EIF4G3: variants seen among roughly 807,000 people sequenced by gnomAD.
The protein encoded by EIF4G3 is eukaryotic translation initiation factor 4 gamma 3.
In EIF4G3, 34 loss-of-function variants were observed where a neutral mutation model predicts 186.4. That is an observed-to-expected ratio of 0.18 (90% CI 0.14 to 0.24). The LOEUF (loss-of-function observed/expected upper bound fraction) is 0.24. Ranked by LOEUF, EIF4G3 falls within the 10% of genes least tolerant of loss-of-function variation. EIF4G3 has a pLI of 1.00. For synonymous variants in EIF4G3, 673 were observed against 679.5 expected (o/e 0.99, Z 0.15); for missense variants, 1,536 against 1,948.5 (o/e 0.79, Z 3.99).
At position 20,807,251 on chromosome 1, in the gene EIF4G3, G is replaced by A. The variant is rs1295419565; in HGVS notation, c.*68C>T. The A allele has an allele frequency of 1.8e-5, 26 of 1,466,840 alleles. No homozygotes were observed. Among genetic ancestry groups the A allele is most frequent in the South Asian group, 2.7e-5 (2 of 73,108 alleles). The allele number at this position is 1,466,840 out of a possible 1,614,324, so 90.9% of individuals were successfully genotyped here. A position where few individuals can be genotyped will look rare whatever the true frequency, so the allele number is the denominator to read the frequency against. ...TTGGCCTTGCTGCACTGTGATTGGC[G>A]AAGACGTGAAACTTTTTAAAAAAAT... On this transcript the variant is annotated 3_prime_UTR_variant, in exon 37 of 37. Coordinates refer to ENST00000602326, the MANE Select transcript of EIF4G3 (RefSeq NM_001391906.1).
At chr1:20,957,307 T>C (rs1274743636) in intron 12 of EIF4G3, among the ~76,000 whole-genome samples, 1 of 152,046 alleles carries the variant, frequency 6.6e-6, no homozygotes, top group Non-Finnish European at 1.5e-5. Flanking sequence ...GGGTTAATAA[T>C]GAAATCAAGA....
chr1:20,886,504 G>C, intron 18 of EIF4G3, 133 bp from the exon 19 acceptor site: 1 of 736,114 alleles, frequency 1.4e-6, no homozygotes, highest in Non-Finnish European at 2.1e-6. Context: ...TCAAACTGGA[G>C]GTAATCTTTT....
intron 14 of EIF4G3, among the ~76,000 whole-genome samples, chr1:20,927,207 C>T (rs1192773593): frequency 6.6e-6 from 1 of 151,798 alleles, no homozygotes; most frequent in Non-Finnish European, 1.5e-5. Flanking sequence ...CCACACCCAG[C>T]TAACTGAATT....
intron 2 of EIF4G3, among the ~76,000 whole-genome samples, chr1:21,170,190 T>TA (rs1053567942): frequency 6.6e-6 from 1 of 152,154 alleles, no homozygotes; most frequent in Non-Finnish European, 1.5e-5. Context: ...AATAAATAAA[T>TA]AAACAAACAA....
At chr1:21,017,525 G>T (rs1571059540) in intron 4 of EIF4G3, among the ~76,000 whole-genome samples, 1 of 151,324 alleles carries the variant, frequency 6.6e-6, no homozygotes, top group East Asian at 2.0e-4. Flanking sequence ...CTACTCGGGA[G>T]GCTGAGGCAG....
At chr1:21,011,371 G>A (rs941607221) in intron 4 of EIF4G3, among the ~76,000 whole-genome samples, 8 of 152,010 alleles carry the variant, frequency 5.3e-5, no homozygotes, top group Non-Finnish European at 8.8e-5. Context: ...AGATTTACAC[G>A]GAATTTGAGA....
At chr1:20,811,027 G>T in intron 35 of EIF4G3, 143 bp from the exon 36 acceptor site, 1 of 722,690 alleles carries the variant, frequency 1.4e-6, no homozygotes, top group Non-Finnish European at 2.1e-6. Flanking sequence ...TAAGCTCACT[G>T]CAACCTCCGT....
At position 21,123,279 on chromosome 1, in the gene EIF4G3, G is replaced by C. The variant is rs370301139; in HGVS notation, c.-271-34066C>G. On this transcript the variant is annotated intron_variant, in intron 2 of 36. Coordinates refer to ENST00000602326, the MANE Select transcript of EIF4G3 (RefSeq NM_001391906.1). ...CGATGCCTTCAATATCTAAAGTTCA[G>C]AGGCCAGATGCGGTGGCTCAAGCCT... Among the ~76,000 whole-genome samples, 43 of 152,032 alleles carry C rather than the reference G, an allele frequency of 2.8e-4. 3 individuals carry two copies. Among genetic ancestry groups the C allele is most frequent in the African/African-American group, 8.2e-4 (34 of 41,486 alleles).
chr1:20,888,259 AAT>A (rs1181785209), intron 18 of EIF4G3, among the ~76,000 whole-genome samples: 1 of 152,224 alleles, frequency 6.6e-6, no homozygotes, highest in Non-Finnish European at 1.5e-5. Context: ...AAGTAACAAT[AAT>A]GCTTCAAAGG....
At chr1:20,922,455 G>A (rs1021817446) in intron 14 of EIF4G3, among the ~76,000 whole-genome samples, 5 of 152,010 alleles carry the variant, frequency 3.3e-5, no homozygotes, top group African/African-American at 4.8e-5. Context: ...GCACCACCAC[G>A]CCCGGTTGAT....
chr1:20,963,367 G>A (rs987579196), intron 12 of EIF4G3, among the ~76,000 whole-genome samples: 3 of 134,708 alleles, frequency 2.2e-5, no homozygotes, highest in African/African-American at 7.7e-5. Context: ...TTTGTTCAAG[G>A]GTCAACTGTA....
chr1:21,048,676 C>T (rs767597467), intron 4 of EIF4G3, among the ~76,000 whole-genome samples: 2 of 152,076 alleles, frequency 1.3e-5, no homozygotes, highest in African/African-American at 4.8e-5. Context: ...AACCTCCCTG[C>T]GAACAGCTTT....
At chr1:21,075,725 A>G (rs2095571208) in intron 3 of EIF4G3, among the ~76,000 whole-genome samples, 1 of 152,036 alleles carries the variant, frequency 6.6e-6, no homozygotes. Context: ...ACTGTAAAAC[A>G]GACAGAAAAG....
intron 17 of EIF4G3, 30 bp from the exon 18 acceptor site, chr1:20,893,666 A>G: frequency 6.6e-7 from 1 of 1,517,816 alleles, no homozygotes; most frequent in East Asian, 2.4e-5. Flanking sequence ...AAAGCTTAAT[A>G]CATGTTCCAG....
chr1:20,926,597 G>T (rs116367798), intron 14 of EIF4G3, among the ~76,000 whole-genome samples: 247 of 151,230 alleles, frequency 1.6e-3, no homozygotes, highest in African/African-American at 5.7e-3. Context: ...AGACCAGGAG[G>T]TCAACTCTGC....
intron 2 of EIF4G3, among the ~76,000 whole-genome samples, chr1:21,129,725 C>A (rs894675456): frequency 2.0e-5 from 3 of 152,030 alleles, no homozygotes; most frequent in Non-Finnish European, 2.9e-5. Context: ...AACAACCCCC[C>A]ACCCCAATTC....
At chr1:20,936,523 A>G (rs2095521360) in intron 14 of EIF4G3, among the ~76,000 whole-genome samples, 1 of 152,220 alleles carries the variant, frequency 6.6e-6, no homozygotes, top group Admixed American at 6.5e-5. Context: ...TTGGCAATCT[A>G]CTTTTGGCCC....
chr1:21,123,012 GA>G (rs944041932), intron 2 of EIF4G3, among the ~76,000 whole-genome samples: 1 of 152,146 alleles, frequency 6.6e-6, no homozygotes, highest in African/African-American at 2.4e-5. Flanking sequence ...AAAGCCTCTG[GA>G]AAACTGCTAT....
At chr1:20,983,964 A>G (rs2078856270) in intron 7 of EIF4G3, among the ~76,000 whole-genome samples, 3 of 152,216 alleles carry the variant, frequency 2.0e-5, no homozygotes, top group African/African-American at 7.2e-5. Flanking sequence ...ACTATTTTCC[A>G]GCTGTTCTGA....
Sources: gnomAD v4.1 joint callset for allele counts (sites outside exome capture counted in the v4.1 genomes callset) on GRCh38, gnomAD v4.1.1 for gene constraint, MANE v1.5 for transcripts, NCBI Gene and HGNC (gene_info 2026-07-23, HGNC 2026-07-21) for gene names.